OTOR: variants seen among roughly 807,000 people sequenced by gnomAD.
OTOR encodes fibrocyte-derived protein.
A neutral mutation model predicts 15.9 loss-of-function variants in OTOR; 20 were observed. The observed-to-expected ratio is 1.26, with a 90% CI of 0.89 to 1.83. The LOEUF (loss-of-function observed/expected upper bound fraction) is 1.83, where lower values mean the gene tolerates loss of function less well. Among genes scored for constraint, OTOR ranks in the 40% most tolerant of loss-of-function variants. OTOR has a pLI of 0.00. For synonymous variants in OTOR, 53 were observed against 54.2 expected (o/e 0.98, Z 0.09); for missense variants, 184 against 159.0 (o/e 1.16, Z -0.85).
chr20:16,749,094 A>AGTT, intron 2 of OTOR, 88 bp downstream of exon 2: 1 of 924,900 alleles, frequency 1.1e-6, no homozygotes, highest in Non-Finnish European at 1.6e-6. Flanking sequence ...GCTTAATACT[A>AGTT]GTTGTTAAGA....
rs779741855 is a variant in OTOR, at chr20:16,749,002, G to A, written c.251G>A (p.Gly84Asp). ...AATGGAGCTGGAGAATTTTGGGCTG[G>A]CAGTGTAAGATAATTTAAACACCTA... ...KENGAGEFWA[G>D]SVYGDGQDEM... The change falls in exon 2 of 4, where the codon GGC becomes GAC. Residue 84 changes from glycine to aspartate, a missense_variant. Transcript: ENST00000246081. The A allele has an allele frequency of 3.9e-6, 6 of 1,536,764 alleles. No individual in the cohort carries two copies. Among genetic ancestry groups the A allele is most frequent in the Middle Eastern group, 1.7e-4 (1 of 5,864 alleles).
At chr20:16,748,793 T>C in intron 1 of OTOR, 74 bp from the exon 2 acceptor site, 1 of 1,145,622 alleles carries the variant, frequency 8.7e-7, no homozygotes, top group Middle Eastern at 2.6e-4. Context: ...CTAGTTTTTC[T>C]AATATACATT....
chr20:16,748,828 G>C lies in OTOR; in HGVS notation c.116-39G>C, dbSNP rs181900057. 1.1e-3 allele frequency: 1,685 copies of C among 1,491,722 alleles called. 3 individuals carry two copies. The highest frequency in any genetic ancestry group is 4.6e-3 in the Middle Eastern group (25 of 5,394). 92.4% of individuals were successfully genotyped at this position (1,491,722 alleles called of 1,614,324 possible). On this transcript the variant is annotated intron_variant, in intron 1 of 3. Transcript: ENST00000246081. ...TGCCTTTTACTGTTATAAAATTCAG[G>C]AGCCTAAAATGTAATCATTTAAATT...
rs1323596088 is a variant in OTOR, at chr20:16,751,732, G to T, written c.*614G>T. 6.6e-6 allele frequency: 1 copy of T among 152,110 alleles called. No individual in the cohort carries two copies. Among genetic ancestry groups the T allele is most frequent in the South Asian group, 2.1e-4 (1 of 4,828 alleles). 9.4% of individuals were successfully genotyped at this position (152,110 alleles called of 1,614,324 possible). ...TAGAAAAATCTCAAAAATGATTTCA[G>T]TTGAATAACTTGCCTTCTAAATGAT... On this transcript the variant is annotated 3_prime_UTR_variant, in exon 4 of 4. Transcript: ENST00000246081.
At position 16,751,094 on chromosome 20, in the gene OTOR, G is replaced by A. The variant is rs1257515035; in HGVS notation, c.364-1G>A. Reference sequence around the variant, plus strand: ...CTTTTTTTGTTTTTGTTTTTTTCCAGGATATTGACTTCTTCTGCGAGTAAT... The same window carrying A: ...CTTTTTTTGTTTTTGTTTTTTTCCAAGATATTGACTTCTTCTGCGAGTAAT... On this transcript the variant is annotated splice_acceptor_variant, in intron 3 of 3. Transcript: ENST00000246081. LOFTEE classifies it high-confidence loss of function. 6.5e-7 allele frequency: 1 copy of A among 1,540,484 alleles called. No individual in the cohort carries two copies. The highest frequency in any genetic ancestry group is 1.2e-5 in the South Asian group (1 of 81,458).
chr20:16,749,836 C>A, intron 2 of OTOR, 67 bp from the exon 3 acceptor site: 1 of 1,069,830 alleles, frequency 9.3e-7, no homozygotes, highest in Middle Eastern at 2.0e-4. Flanking sequence ...AAAGAGGACG[C>A]CTGCGAGTTT....
rs369868684 is a variant in OTOR, at chr20:16,748,392, A to G, written c.-10A>G. ...CAGTCAGAGTTCAAGTTAAAACAGA[A>G]AAAAGGAAGATGGCAAGAATATTGT... is the stretch of plus-strand genomic sequence containing the variant. On this transcript the variant is annotated 5_prime_UTR_variant, in exon 1 of 4. Transcript: ENST00000246081. The G allele has an allele frequency of 5.0e-6, 8 of 1,585,320 alleles. No homozygotes were observed. The African/African-American group carries it at 1.1e-4, about 21-fold the overall frequency.
chr20:16,750,087 A>G (rs1314897347), intron 3 of OTOR, 77 bp downstream of exon 3: 30 of 934,154 alleles, frequency 3.2e-5, no homozygotes, highest in Middle Eastern at 2.1e-4. Context: ...TGCATCATGC[A>G]ACTTACAAGT....
intron 3 of OTOR, among the ~76,000 whole-genome samples, chr20:16,750,707 C>A (rs1475194689): frequency 6.6e-6 from 1 of 152,132 alleles, no homozygotes; most frequent in Non-Finnish European, 1.5e-5. Context: ...CTTCCTAATG[C>A]CCTGGGGTCC....
intron 2 of OTOR, 68 bp from the exon 3 acceptor site, chr20:16,749,835 G>T: frequency 1.9e-6 from 2 of 1,053,114 alleles, no homozygotes; most frequent in Non-Finnish European, 2.9e-6. Flanking sequence ...CAAAGAGGAC[G>T]CCTGCGAGTT....
intron 3 of OTOR, among the ~76,000 whole-genome samples, chr20:16,750,836 G>T (rs2072524758): frequency 6.6e-6 from 1 of 152,180 alleles, no homozygotes; most frequent in Non-Finnish European, 1.5e-5. Context: ...CTACACAAAT[G>T]GGACTCACTT....
At chr20:16,748,816 T>C (rs1600230285) in intron 1 of OTOR, 51 bp from the exon 2 acceptor site, 3 of 1,419,422 alleles carry the variant, frequency 2.1e-6, no homozygotes, top group Middle Eastern at 2.0e-4. Flanking sequence ...CTTTTACTGT[T>C]ATAAAATTCA....
rs569371114 is a variant in OTOR, at chr20:16,748,414, T to G, written c.13T>G (p.Leu5Val). The G allele has an allele frequency of 6.2e-7, 1 of 1,610,298 alleles. No homozygotes were observed. The highest frequency in any genetic ancestry group is 2.2e-5 in the East Asian group (1 of 44,854). Residue 5 changes from leucine (L) to valine (V), a missense_variant, in exon 1 of 4, where the codon TTG becomes GTG. Physicochemically the swap from Leu to Val is conservative, Grantham distance 32. Transcript: ENST00000246081. ...AGAAAAAAGGAAGATGGCAAGAATATTGTTACTTTTCCTCCCGGGTCTTGT... is the reference window on the plus strand; with the variant it reads ...AGAAAAAAGGAAGATGGCAAGAATAGTGTTACTTTTCCTCCCGGGTCTTGT... The part of the protein sequence containing the change: MARI[L>V]LLFLPGLVAV...
At position 16,748,939 on chromosome 20, in the gene OTOR, G is replaced by A. The variant is rs765572367; in HGVS notation, c.188G>A (p.Gly63Glu). ...TGTAGATTCATTAACGTTAAAAAAG[G>A]GCAGCAGATCTATGTGTACTCAAAG... ...PDCRFINVKK[G>E]QQIYVYSKLV... The change falls in exon 2 of 4, where the codon GGG becomes GAG. Residue 63 changes from glycine to glutamate, a missense_variant. Physicochemically the swap from Gly to Glu is moderately conservative, Grantham distance 98. Coordinates refer to ENST00000246081, the MANE Select transcript of OTOR (RefSeq NM_020157.4). 3.1e-6 allele frequency: 5 copies of A among 1,612,298 alleles called. No individual in the cohort carries two copies. In the South Asian group the frequency reaches 3.3e-5, roughly 11 times the overall value.
Position 16,751,082 on chromosome 20 carries a change from T to A in OTOR, c.364-13T>A. The stretch of plus-strand genomic sequence containing the variant: ...ATTTCGTTCAATCTTTTTTTGTTTT[T>A]GTTTTTTTCCAGGATATTGACTTCT... On this transcript the variant is annotated splice_polypyrimidine_tract_variant and intron_variant, in intron 3 of 3. Coordinates refer to ENST00000246081, the MANE Select transcript of OTOR (RefSeq NM_020157.4). 3 of 1,535,992 alleles carry A rather than the reference T, an allele frequency of 2.0e-6. No homozygotes were observed. The highest frequency in any genetic ancestry group is 2.6e-6 in the Non-Finnish European group (3 of 1,133,704).
rs776432496 is a variant in OTOR, at chr20:16,748,549, C to G, written c.115+33C>G. On this transcript the variant is annotated intron_variant, in intron 1 of 3. Coordinates refer to ENST00000246081, the MANE Select transcript of OTOR (RefSeq NM_020157.4). Reference sequence around the variant, plus strand: ...CTTTTTTATGCTTTTCATTATCTTTCTATTACATAATTGAAAATATATCCA... The same window carrying G: ...CTTTTTTATGCTTTTCATTATCTTTGTATTACATAATTGAAAATATATCCA... 4 of 1,239,672 alleles carry G rather than the reference C, an allele frequency of 3.2e-6. No homozygotes were observed. The African/African-American group carries it at 6.0e-5, about 19-fold the overall frequency. 76.8% of individuals were successfully genotyped at this position (1,239,672 alleles called of 1,614,324 possible). A position where few individuals can be genotyped will look rare whatever the true frequency, so the allele number is the denominator to read the frequency against.
In OTOR at chr20:16,751,129, A is replaced by G; in HGVS notation, c.*11A>G. ...TTCTTCTGCGAGTAATAAATTAGTT[A>G]AAACTGCAAATAGAAAGAAAACACC... On this transcript the variant is annotated 3_prime_UTR_variant, in exon 4 of 4. Transcript: ENST00000246081. 1 of 1,515,192 alleles carries G rather than the reference A, an allele frequency of 6.6e-7. No individual in the cohort carries two copies. Among genetic ancestry groups the G allele is most frequent in the Non-Finnish European group, 8.9e-7 (1 of 1,119,166 alleles). The allele number at this position is 1,515,192 out of a possible 1,614,324, so 93.9% of individuals were successfully genotyped here.
Position 16,751,234 on chromosome 20 carries a change from T to TACAGAAGAG in OTOR, c.*117_*125dup, listed in dbSNP as rs1376324951. 1.4e-6 allele frequency: 1 copy of TACAGAAGAG among 724,794 alleles called. No individual in the cohort carries two copies. The highest frequency in any genetic ancestry group is 2.8e-5 in the East Asian group (1 of 35,670). 44.9% of individuals were successfully genotyped at this position (724,794 alleles called of 1,614,324 possible). A position where few individuals can be genotyped will look rare whatever the true frequency, so the allele number is the denominator to read the frequency against. ...CTGACGTTTTAAGAATTTGTTACCT[T>TACAGAAGAG]ACAGAAGAGCAAGGGCTTAGGGGTT... On this transcript the variant is annotated 3_prime_UTR_variant, in exon 4 of 4. Coordinates refer to ENST00000246081, the MANE Select transcript of OTOR (RefSeq NM_020157.4).
chr20:16,751,173 A>T lies in OTOR; in HGVS notation c.*55A>T. ...AAACACCAAAAATAAAGAAAAGAGC[A>T]AAAGTGGCCAAAAAATGCATGTCTG... On this transcript the variant is annotated 3_prime_UTR_variant, in exon 4 of 4. Transcript: ENST00000246081. 1 of 1,271,606 alleles carries T rather than the reference A, an allele frequency of 7.9e-7. No individual in the cohort carries two copies. The highest frequency in any genetic ancestry group is 1.1e-6 in the Non-Finnish European group (1 of 914,602). The allele number at this position is 1,271,606 out of a possible 1,614,324, so 78.8% of individuals were successfully genotyped here.
Sources: gnomAD v4.1 joint callset for allele counts (sites outside exome capture counted in the v4.1 genomes callset) on GRCh38, gnomAD v4.1.1 for gene constraint, MANE v1.5 for transcripts, NCBI Gene and HGNC (gene_info 2026-07-23, HGNC 2026-07-21) for gene names.